UTRN: variants seen among roughly 807,000 people sequenced by gnomAD.
UTRN encodes the protein utrophin.
Under a neutral mutation model 463.9 loss-of-function variants are expected in UTRN, and 283 were observed. The ratio of observed to expected loss-of-function variants is 0.61; its 90% confidence interval spans 0.55 to 0.67. UTRN has a LOEUF of 0.67. Among genes scored for constraint, UTRN ranks in the 30% least tolerant of loss-of-function variants. UTRN has a pLI of 0.00. For synonymous variants in UTRN, 1,442 were observed against 1,431.5 expected, an observed-to-expected ratio of 1.01 and a Z score of -0.17; for missense variants, 3,922 against 4,084.3, an observed-to-expected ratio of 0.96 and a Z score of 1.08.
Position 144,578,158 on chromosome 6 carries a change from G to A in UTRN, c.7479+870G>A, listed in dbSNP as rs12193624. ...GTGGAGGTTGCAGTCAGCCAAGATCGCACTACTACACTTCATTCTAGGTGG... is the reference window on the plus strand; with the variant it reads ...GTGGAGGTTGCAGTCAGCCAAGATCACACTACTACACTTCATTCTAGGTGG... On this transcript the variant is annotated intron_variant, in intron 51 of 74. Coordinates refer to ENST00000367545, the MANE Select transcript of UTRN (RefSeq NM_007124.3). Among the ~76,000 whole-genome samples, 1,047 of 152,092 alleles carry A rather than the reference G, an allele frequency of 6.9e-3. 2 individuals are homozygous for A. The highest frequency in any genetic ancestry group is 0.024 in the Middle Eastern group (7 of 294).
chr6:144,504,689 T>C (rs1794546574), intron 34 of UTRN, among the ~76,000 whole-genome samples: 1 of 152,246 alleles, frequency 6.6e-6, no homozygotes, highest in Non-Finnish European at 1.5e-5. Flanking sequence ...ATCACATTGA[T>C]GTTCATCAGG....
chr6:144,577,102 T>C lies in UTRN; in HGVS notation c.7293T>C (p.Ile2431=). ...KTSWINLKQS[I]ADRQNALEAE... ...GCTGTCATATTGTTACTTTCAGTAT[T>C]GCTGACAGACAGAACGCCTTGGAGG... The change falls in exon 51 of 75, where the codon ATT becomes ATC. Residue 2431 remains isoleucine, a synonymous_variant. Coordinates refer to ENST00000367545, the MANE Select transcript of UTRN (RefSeq NM_007124.3). 1 of 1,613,140 alleles carries C rather than the reference T, an allele frequency of 6.2e-7. No individual in the cohort carries two copies. The highest frequency in any genetic ancestry group is 1.7e-5 in the Admixed American group (1 of 59,986).
intron 57 of UTRN, among the ~76,000 whole-genome samples, chr6:144,757,387 G>A (rs911856710): frequency 6.6e-6 from 1 of 151,860 alleles, no homozygotes; most frequent in Non-Finnish European, 1.5e-5. Context: ...GATTGCCTTG[G>A]TTCTTCACAA....
intron 51 of UTRN, among the ~76,000 whole-genome samples, chr6:144,578,907 A>T (rs750498656): frequency 6.6e-6 from 1 of 151,838 alleles, no homozygotes; most frequent in Non-Finnish European, 1.5e-5. Flanking sequence ...GATGAAGGAT[A>T]CAGAGTCTTT....
intron 2 of UTRN, among the ~76,000 whole-genome samples, chr6:144,338,418 A>G (rs1776899846): frequency 6.6e-6 from 1 of 151,858 alleles, no homozygotes; most frequent in African/African-American, 2.4e-5. Flanking sequence ...TATTAAGGGG[A>G]GTTAATTAGA....
intron 26 of UTRN, among the ~76,000 whole-genome samples, chr6:144,481,796 G>A (rs996668018): frequency 3.3e-5 from 5 of 152,198 alleles, no homozygotes; most frequent in Admixed American, 2.6e-4. Context: ...AGTGGCTCAC[G>A]CCTCTAATCC....
At chr6:144,339,204 A>G (rs1776950908) in intron 2 of UTRN, among the ~76,000 whole-genome samples, 1 of 152,212 alleles carries the variant, frequency 6.6e-6, no homozygotes, top group African/African-American at 2.4e-5. Context: ...GGCAAGATCT[A>G]TGGAAGAAAA....
intron 2 of UTRN, chr6:144,398,364 C>T: frequency 2.8e-6 from 1 of 360,268 alleles, no homozygotes; most frequent in Non-Finnish European, 5.6e-6. Context: ...CACTTATTCT[C>T]ACCAGGGACT....
At chr6:144,655,386 T>G (rs969455971) in intron 51 of UTRN, among the ~76,000 whole-genome samples, 4 of 152,246 alleles carry the variant, frequency 2.6e-5, no homozygotes, top group Non-Finnish European at 5.9e-5. Flanking sequence ...TGAAGCTATT[T>G]TATTTTTGAA....
intron 51 of UTRN, among the ~76,000 whole-genome samples, chr6:144,633,478 C>T (rs569647095): frequency 3.3e-4 from 50 of 152,296 alleles, no homozygotes; most frequent in Non-Finnish European, 5.9e-4. Context: ...GTGATCCGCC[C>T]GCCTTGGCCT....
intron 43 of UTRN, among the ~76,000 whole-genome samples, chr6:144,533,686 A>G (rs9376823): frequency 0.11 from 16,897 of 151,368 alleles, 1,753 homozygotes; most frequent in East Asian, 0.54. Context: ...TGTTCTATTC[A>G]TGCTTTGCCA....
At chr6:144,833,128 G>GT (rs1249224431) in intron 69 of UTRN, among the ~76,000 whole-genome samples, 3 of 152,020 alleles carry the variant, frequency 2.0e-5, no homozygotes, top group African/African-American at 4.8e-5. Context: ...CCAACTAATT[G>GT]TTTTTTTAAC....
intron 56 of UTRN, among the ~76,000 whole-genome samples, chr6:144,752,654 C>A (rs985908072): frequency 6.6e-6 from 1 of 152,026 alleles, no homozygotes; most frequent in Non-Finnish European, 1.5e-5. Flanking sequence ...GTGTTAATAA[C>A]CTAGGATTAG....
chr6:144,298,420 A>G (rs1232733716), intron 2 of UTRN, among the ~76,000 whole-genome samples: 1 of 152,190 alleles, frequency 6.6e-6, no homozygotes, highest in East Asian at 1.9e-4. Flanking sequence ...GCCTTTAAAC[A>G]ACCAAATACC....
chr6:144,435,349 A>T (rs953195888), intron 9 of UTRN, among the ~76,000 whole-genome samples: 1 of 152,224 alleles, frequency 6.6e-6, no homozygotes, highest in African/African-American at 2.4e-5. Context: ...AATTTATTCC[A>T]TGAGCCCTAA....
intron 58 of UTRN, among the ~76,000 whole-genome samples, chr6:144,767,293 C>A (rs571148522): frequency 6.6e-6 from 1 of 152,062 alleles, no homozygotes; most frequent in Non-Finnish European, 1.5e-5. Flanking sequence ...CCAGAGTAGG[C>A]AAGTAATTGA....
intron 50 of UTRN, among the ~76,000 whole-genome samples, chr6:144,563,160 A>G (rs1258279303): frequency 1.3e-5 from 2 of 152,212 alleles, no homozygotes; most frequent in African/African-American, 4.8e-5. Flanking sequence ...TGGAATGTAT[A>G]TAGTTTTCAA....
intron 53 of UTRN, among the ~76,000 whole-genome samples, chr6:144,715,984 A>G (rs1786399757): frequency 6.6e-6 from 1 of 152,286 alleles, no homozygotes; most frequent in South Asian, 2.1e-4. Context: ...AAAGGTAATA[A>G]CTGAAATAGA....
At chr6:144,811,752 C>T (rs1778635339) in intron 65 of UTRN, among the ~76,000 whole-genome samples, 1 of 137,634 alleles carries the variant, frequency 7.3e-6, no homozygotes, top group Non-Finnish European at 1.6e-5. Context: ...AAAAAAAAAA[C>T]CTGTTAAGAA....
Sources: gnomAD v4.1 joint callset for allele counts (sites outside exome capture counted in the v4.1 genomes callset) on GRCh38, gnomAD v4.1.1 for gene constraint, MANE v1.5 for transcripts, NCBI Gene and HGNC (gene_info 2026-07-23, HGNC 2026-07-21) for gene names.